Variants in CELF1 observed in about 807,000 individuals in gnomAD.
The protein encoded by CELF1 is CUGBP Elav-like family member 1, also known as 50 kDa nuclear polyadenylated RNA-binding protein.
CELF1 carries 10 observed loss-of-function variants against 61.8 expected under a neutral mutation model. That is an observed-to-expected ratio of 0.16 (90% confidence interval 0.10 to 0.27). The LOEUF (loss-of-function observed/expected upper bound fraction) is 0.27, where lower values mean the gene tolerates loss of function less well. Among genes scored for constraint, CELF1 ranks in the 10% least tolerant of loss-of-function variants. The pLI is 1.00. For synonymous variants in CELF1, 236 were observed against 225.1 expected, an observed-to-expected ratio of 1.05 and a Z score of -0.43; for missense variants, 380 against 639.1, an observed-to-expected ratio of 0.59 and a Z score of 4.37.
chr11:47,563,197 T>C (rs2097232105), intron 2 of CELF1, among the ~76,000 whole-genome samples: 1 of 151,114 alleles, frequency 6.6e-6, no homozygotes, highest in Non-Finnish European at 1.5e-5. Flanking sequence ...CTAGCCTGGG[T>C]GACAGTGAGA....
intron 1 of CELF1, chr11:47,506,962 A>G (rs1332181793): frequency 6.6e-6 from 1 of 152,206 alleles, no homozygotes; most frequent in Non-Finnish European, 1.5e-5. Context: ...CTCCAGATAT[A>G]TCACCTCTTT....
chr11:47,498,107 C>T (rs553674321), intron 3 of CELF1, among the ~76,000 whole-genome samples: 3 of 152,030 alleles, frequency 2.0e-5, no homozygotes, highest in South Asian at 2.1e-4. Flanking sequence ...TTTAAATTAC[C>T]GTAATTTTGG....
intron 3 of CELF1, chr11:47,494,346 C>G (rs1023262403): frequency 3.1e-6 from 3 of 972,852 alleles, no homozygotes; most frequent in Non-Finnish European, 3.7e-6. Flanking sequence ...GAGGTAGTTA[C>G]TCTCATTGTT....
At chr11:47,503,892 G>C (rs920998055) in intron 1 of CELF1, among the ~76,000 whole-genome samples, 2 of 152,112 alleles carry the variant, frequency 1.3e-5, no homozygotes, top group African/African-American at 4.8e-5. Context: ...ATAATTTACG[G>C]GGCAAGAACA....
chr11:47,497,798 C>T (rs2093382279), intron 3 of CELF1, among the ~76,000 whole-genome samples: 1 of 152,136 alleles, frequency 6.6e-6, no homozygotes, highest in African/African-American at 2.4e-5. Context: ...GACTTTCATG[C>T]AGTGGTCCAT....
chr11:47,477,244 C>T (rs202036268), intron 11 of CELF1, 53 bp downstream of exon 11: 43 of 1,598,338 alleles, frequency 2.7e-5, no homozygotes, highest in South Asian at 6.6e-5. Context: ...CCTTTAAACA[C>T]AAAGCATCTG....
chr11:47,543,703 G>C (rs557696938), intron 1 of CELF1, among the ~76,000 whole-genome samples: 2 of 152,066 alleles, frequency 1.3e-5, no homozygotes, highest in South Asian at 4.1e-4. Flanking sequence ...GAGCTCAAGA[G>C]TTTGCACCAG....
intron 1 of CELF1, among the ~76,000 whole-genome samples, chr11:47,535,722 T>A (rs2096612892): frequency 6.6e-6 from 1 of 151,488 alleles, no homozygotes; most frequent in Non-Finnish European, 1.5e-5. Flanking sequence ...TTGCTATATT[T>A]ACTCACCTAA....
intron 3 of CELF1, among the ~76,000 whole-genome samples, chr11:47,493,833 T>C (rs952479573): frequency 3.3e-5 from 5 of 152,122 alleles, no homozygotes; most frequent in Admixed American, 1.3e-4. Flanking sequence ...TCACAAACTT[T>C]CTCTGATATT....
intron 2 of CELF1, among the ~76,000 whole-genome samples, chr11:47,561,961 T>A (rs2097227004): frequency 6.6e-6 from 1 of 151,282 alleles, no homozygotes. Flanking sequence ...GCGCAGTGGC[T>A]CACACCTGTA....
At chr11:47,496,651 T>C (rs985794825) in intron 3 of CELF1, among the ~76,000 whole-genome samples, 10 of 152,062 alleles carry the variant, frequency 6.6e-5, no homozygotes, top group Non-Finnish European at 1.5e-4. Context: ...AAGTGCTACG[T>C]GGCATGGAGG....
chr11:47,541,068 C>T lies in CELF1; in HGVS notation c.-154+11924G>A, dbSNP rs147373567. ...TATGTGACTGCAGTGTGAGGGAAAG[C>T]GGCTGGAGCTGAAAAGTAGAATGTT... On this transcript the variant is annotated intron_variant, in intron 1 of 14. Coordinates refer to ENST00000687097, the MANE Select transcript of CELF1 (RefSeq NM_001376376.1). 7.9e-5 allele frequency among the ~76,000 whole-genome samples: 12 copies of T among 152,234 alleles called. No individual in the cohort carries two copies. The East Asian group carries it at 2.1e-3, about 27-fold the overall frequency.
chr11:47,489,077 G>T, intron 3 of CELF1, 53 bp from the exon 4 acceptor site: 2 of 1,378,596 alleles, frequency 1.5e-6, no homozygotes. Flanking sequence ...CTTTCCAGAG[G>T]AAATTTTCTT....
intron 1 of CELF1, among the ~76,000 whole-genome samples, chr11:47,518,765 GACAGGCCCAAT>G (rs1189544523): frequency 6.6e-6 from 1 of 152,092 alleles, no homozygotes; most frequent in Non-Finnish European, 1.5e-5. Context: ...CTCTTAGGCA[GACAGGCCCAAT>G]ACACACAACA....
intron 1 of CELF1, among the ~76,000 whole-genome samples, chr11:47,541,616 G>A (rs1304974095): frequency 1.3e-5 from 2 of 150,884 alleles, no homozygotes; most frequent in Non-Finnish European, 3.0e-5. Flanking sequence ...CTTGAACCCA[G>A]GAGGCAGAGG....
At chr11:47,477,449 T>C (rs774203669) in intron 10 of CELF1, 24 bp from the exon 11 acceptor site, 11 of 1,611,404 alleles carry the variant, frequency 6.8e-6, no homozygotes, top group Admixed American at 3.3e-5. Flanking sequence ...AGCAAGAGAT[T>C]AGCCAGCAGA....
At position 47,483,480 on chromosome 11, in the gene CELF1, C is replaced by T; in HGVS notation, c.579G>A (p.Lys193=). Residue 193 remains lysine, a synonymous_variant, in exon 8 of 15, where the codon AAG becomes AAA. Transcript: ENST00000687097. ...TTRAMAQTAI[K]AMHQAQTMEG... is the part of the protein sequence containing the mutation. ...CCATGGTCTGTGCTTGGTGCATTGC[C>T]TTGATAGCCGTCTGTGCCATGGCTC... The T allele has an allele frequency of 6.2e-7, 1 of 1,614,100 alleles. No individual in the cohort carries two copies. Among genetic ancestry groups the T allele is most frequent in the Non-Finnish European group, 8.5e-7 (1 of 1,179,984 alleles).
chr11:47,534,998 T>G (rs992636067), intron 1 of CELF1, among the ~76,000 whole-genome samples: 1 of 152,046 alleles, frequency 6.6e-6, no homozygotes, highest in Non-Finnish European at 1.5e-5. Flanking sequence ...AAAAAAAAAT[T>G]TTTTTCCCTA....
intron 6 of CELF1, among the ~76,000 whole-genome samples, chr11:47,485,455 G>A (rs1255908678): frequency 5.3e-5 from 8 of 152,146 alleles, no homozygotes; most frequent in African/African-American, 9.7e-5. Flanking sequence ...ACAGGTGTGC[G>A]CCACTGTGCC....
Sources: gnomAD v4.1 joint callset for allele counts (sites outside exome capture counted in the v4.1 genomes callset) on GRCh38, gnomAD v4.1.1 for gene constraint, MANE v1.5 for transcripts, NCBI Gene and HGNC (gene_info 2026-07-23, HGNC 2026-07-21) for gene names.